COL13A1: variants seen among roughly 807,000 people sequenced by gnomAD.
The protein encoded by COL13A1 is collagen type XIII alpha 1 chain.
A neutral mutation model predicts 130.9 loss-of-function variants in COL13A1; 89 were observed. That is an observed-to-expected ratio of 0.68 (90% CI 0.57 to 0.81). The LOEUF (loss-of-function observed/expected upper bound fraction) is 0.81. COL13A1 is among the 30% of genes least tolerant of loss of function. The pLI is 0.00. For synonymous variants in COL13A1, 402 were observed against 341.6 expected, an observed-to-expected ratio of 1.18 and a Z score of -1.95; for missense variants, 879 against 934.6, an observed-to-expected ratio of 0.94 and a Z score of 0.78.
chr10:69,925,696 C>A, intron 25 of COL13A1, 108 bp from the exon 26 acceptor site: 1 of 769,998 alleles, frequency 1.3e-6, no homozygotes, highest in Non-Finnish European at 2.2e-6. Flanking sequence ...CTGGGTCCAC[C>A]CATGTGCAGC....
chr10:69,955,486 G>A (rs1589771957), intron 39 of COL13A1: 1 of 151,980 alleles, frequency 6.6e-6, no homozygotes, highest in Non-Finnish European at 1.5e-5. Context: ...TGGCCTCTCT[G>A]TTCCTCACCA....
intron 1 of COL13A1, among the ~76,000 whole-genome samples, chr10:69,814,092 T>C (rs969403580): frequency 6.6e-6 from 1 of 152,242 alleles, no homozygotes; most frequent in African/African-American, 2.4e-5. Context: ...GCAGCAGTTA[T>C]GCTGCAGGAT....
rs1840263902 is a variant in COL13A1, at chr10:69,802,478, G to A, written c.55G>A (p.Glu19Lys). ...AGCCACCGGTGCCCGCGGCCCTGGG[G>A]AGTTGGGCGCGCCCGGGACGGTGGC... Reference protein sequence around the residue: ...AAATGARGPGELGAPGTVALV... With the variant: ...AAATGARGPGKLGAPGTVALV... The change falls in exon 1 of 41, where the codon GAG (glutamate) becomes AAG (lysine). Residue 19 changes from glutamate (E) to lysine (K), a missense_variant. Glu to Lys is a moderately conservative substitution (Grantham distance 56). Transcript: ENST00000645393. The A allele has an allele frequency of 6.6e-7, 1 of 1,520,324 alleles. No homozygotes were observed. 94.2% of individuals were successfully genotyped at this position (1,520,324 alleles called of 1,614,324 possible).
chr10:69,903,186 C>A (rs550982022), intron 15 of COL13A1, among the ~76,000 whole-genome samples: 9 of 152,356 alleles, frequency 5.9e-5, no homozygotes, highest in Admixed American at 5.9e-4. Flanking sequence ...AGCCCCTTAG[C>A]AAAACCTGAG....
chr10:69,824,494 G>T (rs1306983253), intron 2 of COL13A1, among the ~76,000 whole-genome samples: 7 of 152,222 alleles, frequency 4.6e-5, no homozygotes, highest in African/African-American at 1.7e-4. Context: ...GAGGCTGGGA[G>T]CTGGGGAGGA....
At chr10:69,956,434 G>C (rs10823451) in intron 39 of COL13A1, 105,352 of 152,972 alleles carry the variant, frequency 0.69, 36,431 homozygotes, top group Middle Eastern at 0.81. Context: ...CCAAAGGCAT[G>C]TCAGGGCCAT....
intron 2 of COL13A1, among the ~76,000 whole-genome samples, chr10:69,857,063 G>T (rs1186197344): frequency 6.6e-6 from 1 of 152,138 alleles, no homozygotes; most frequent in Non-Finnish European, 1.5e-5. Context: ...CGTGCTGGAG[G>T]CCTGGCCAGG....
At chr10:69,823,339 A>C (rs1846605693) in intron 2 of COL13A1, among the ~76,000 whole-genome samples, 1 of 152,214 alleles carries the variant, frequency 6.6e-6, no homozygotes, top group African/African-American at 2.4e-5. Flanking sequence ...TTCCCTGAGG[A>C]ACTAGAATGC....
rs181052232 is a variant in COL13A1 at position 69,804,146 on chromosome 10, C to T, written c.294+1429C>T. 5.4e-3 allele frequency among the ~76,000 whole-genome samples: 819 copies of T among 152,110 alleles called. 3 individuals are homozygous for T. The highest frequency in any genetic ancestry group is 8.4e-3 in the Non-Finnish European group (571 of 68,000). On this transcript the variant is annotated intron_variant, in intron 1 of 40. Transcript: ENST00000645393. The stretch of plus-strand genomic sequence containing the variant: ...GTTCCCTGGGCCTGGGGTGGAGGTG[C>T]AGCATCTCTGGGCTCAGGCAGAATG...
intron 28 of COL13A1, among the ~76,000 whole-genome samples, chr10:69,929,777 T>G (rs534467816): frequency 6.4e-4 from 97 of 152,154 alleles, no homozygotes; most frequent in Non-Finnish European, 1.2e-3. Context: ...GGCTAAAACA[T>G]GGACATGGAG....
chr10:69,929,719 G>C (rs2065856732), intron 28 of COL13A1, among the ~76,000 whole-genome samples: 1 of 152,202 alleles, frequency 6.6e-6, no homozygotes, highest in South Asian at 2.1e-4. Flanking sequence ...CCTTCTGCAA[G>C]GGAGCCAAGG....
chr10:69,890,880 TCTAA>T (rs2061106487), intron 10 of COL13A1, among the ~76,000 whole-genome samples: 1 of 152,056 alleles, frequency 6.6e-6, no homozygotes. Flanking sequence ...GCTCAGAGAG[TCTAA>T]CTAACTTGCC....
intron 2 of COL13A1, chr10:69,824,039 G>T (rs1157113887): frequency 6.4e-6 from 3 of 468,072 alleles, no homozygotes; most frequent in Non-Finnish European, 1.3e-5. Flanking sequence ...GTCAAGGGCA[G>T]GATATTTGAA....
chr10:69,846,491 G>A (rs369305488), intron 2 of COL13A1, among the ~76,000 whole-genome samples: 1 of 152,120 alleles, frequency 6.6e-6, no homozygotes, highest in African/African-American at 2.4e-5. Flanking sequence ...CCACTGCCCC[G>A]GGAAGGTGCA....
intron 17 of COL13A1, among the ~76,000 whole-genome samples, chr10:69,916,055 A>T (rs3793831): frequency 6.6e-6 from 1 of 152,188 alleles, no homozygotes; most frequent in Non-Finnish European, 1.5e-5. Context: ...GGACACTTGC[A>T]TGGAAGACCC....
chr10:69,905,461 G>A (rs770969696), intron 16 of COL13A1, among the ~76,000 whole-genome samples: 1 of 152,138 alleles, frequency 6.6e-6, no homozygotes, highest in Non-Finnish European at 1.5e-5. Flanking sequence ...TATAAATGCA[G>A]AAGCTAAGAG....
chr10:69,925,724 G>A, intron 25 of COL13A1, 80 bp from the exon 26 acceptor site: 1 of 1,041,646 alleles, frequency 9.6e-7, no homozygotes, highest in Non-Finnish European at 1.5e-6. Context: ...AGCCAGTGTG[G>A]GCTGATAGAG....
intron 3 of COL13A1, among the ~76,000 whole-genome samples, 176 bp downstream of exon 3, chr10:69,867,981 T>C (rs919124059): frequency 2.0e-5 from 3 of 152,036 alleles, no homozygotes; most frequent in African/African-American, 7.3e-5. Flanking sequence ...ACCATTTTGC[T>C]TTTCACCCAC....
chr10:69,952,192 G>A (rs1321042368), intron 38 of COL13A1, among the ~76,000 whole-genome samples: 1 of 152,228 alleles, frequency 6.6e-6, no homozygotes, highest in Non-Finnish European at 1.5e-5. Context: ...AGCACAAGGG[G>A]CCATCCGTGA....
Sources: allele counts gnomAD v4.1 joint callset (sites outside exome capture counted in the v4.1 genomes callset), GRCh38; gene constraint gnomAD v4.1.1; transcripts MANE v1.5; gene names NCBI Gene and HGNC (gene_info 2026-07-23, HGNC 2026-07-21).